ZNF365: variants seen among roughly 807,000 people sequenced by gnomAD.
ZNF365 encodes zinc finger protein 365, also known as protein ZNF365.
In ZNF365, 22 loss-of-function variants were observed where a neutral mutation model predicts 35.0. That is an observed-to-expected ratio of 0.63 (90% CI 0.45 to 0.90). The LOEUF (loss-of-function observed/expected upper bound fraction) is 0.90, where lower values mean the gene tolerates loss of function less well. ZNF365 is among the 40% of genes least tolerant of loss of function. The probability of loss-of-function intolerance (pLI) is 0.00; values close to 1 mark genes in which losing one functional copy is unlikely to be tolerated. For synonymous variants in ZNF365, 188 were observed against 196.2 expected, an observed-to-expected ratio of 0.96 and a Z score of 0.35; for missense variants, 448 against 500.3, an observed-to-expected ratio of 0.90 and a Z score of 1.00.
At chr10:62,438,131 A>T (rs1180837917) in intron 3 of ZNF365, among the ~76,000 whole-genome samples, 1 of 152,110 alleles carries the variant, frequency 6.6e-6, no homozygotes, top group Admixed American at 6.6e-5. Flanking sequence ...AGGACTGAAG[A>T]TACAATGGAG....
At chr10:62,421,776 T>C (rs565477600) in intron 3 of ZNF365, among the ~76,000 whole-genome samples, 1 of 152,348 alleles carries the variant, frequency 6.6e-6, no homozygotes, top group Admixed American at 6.5e-5. Context: ...ATTGATTTCT[T>C]TCAGGTCAGC....
At chr10:62,427,069 G>T (rs1031010705) in intron 3 of ZNF365, among the ~76,000 whole-genome samples, 6 of 152,220 alleles carry the variant, frequency 3.9e-5, no homozygotes, top group African/African-American at 1.4e-4. Flanking sequence ...GCTTAGTGAA[G>T]TTGTAGCTGT....
Position 62,395,504 on chromosome 10 carries a change from A to ATTTTTTTTTTTT in ZNF365, c.925-3224_925-3213dup, listed in dbSNP as rs67866839. On this transcript the variant is annotated intron_variant, in intron 3 of 4. Coordinates refer to ENST00000395254, the MANE Select transcript of ZNF365 (RefSeq NM_014951.3). ...AGGCACCCACCACCACACCCGGCTA[A>ATTTTTTTTTTTT]TTTTTTTTTTTTTTTTTTTTTTTGT... is the stretch of plus-strand genomic sequence containing the variant. Among the ~76,000 whole-genome samples, 65 of 98,436 alleles carry ATTTTTTTTTTTT rather than the reference A, an allele frequency of 6.6e-4. 1 individual carries two copies. Among genetic ancestry groups the ATTTTTTTTTTTT allele is most frequent in the Middle Eastern group, 0.011 (2 of 188 alleles). 64.6% of individuals were successfully genotyped at this position (98,436 alleles called of 152,430 possible). A position where few individuals can be genotyped will look rare whatever the true frequency, so the allele number is the denominator to read the frequency against.
Position 62,401,586 on chromosome 10 carries a change from A to G in ZNF365, c.*1797A>G, listed in dbSNP as rs935854151. 1.0e-6 allele frequency: 1 copy of G among 984,482 alleles called. No individual in the cohort carries two copies. The allele number at this position is 984,482 out of a possible 1,614,324, so 61.0% of individuals were successfully genotyped here. On this transcript the variant is annotated 3_prime_UTR_variant, in exon 5 of 5. Transcript: ENST00000395254. ...TTAGGCTAACATTGTAAAAATTGTA[A>G]TGTTATAATTATTATTTATTTGGAG...
chr10:62,448,190 G>C (rs187565037), intron 3 of ZNF365, among the ~76,000 whole-genome samples: 21 of 152,302 alleles, frequency 1.4e-4, no homozygotes, highest in Middle Eastern at 3.4e-3. Flanking sequence ...TTTGTTTACA[G>C]TGGGCTTTCT....
At chr10:62,440,296 T>C (rs891504257) in intron 3 of ZNF365, among the ~76,000 whole-genome samples, 1 of 118,524 alleles carries the variant, frequency 8.4e-6, no homozygotes, top group African/African-American at 3.2e-5. Flanking sequence ...TAGGTAAACT[T>C]GTGTTACTGG....
rs201626614 is a variant in ZNF365, at chr10:62,452,733, C to G, written c.925-7008C>G. ...AGATCAATACACCCCAGGGTCCTAA[C>G]TCTAGGAATAAGTTTTTATTCTCTT... On this transcript the variant is annotated intron_variant, in intron 3 of 4. Coordinates refer to the ZNF365 transcript ENST00000395255. Among the ~76,000 whole-genome samples the G allele has an allele frequency of 2.0e-5, 3 of 152,256 alleles. No homozygotes were observed. The East Asian group carries it at 5.8e-4, about 29-fold the overall frequency.
At chr10:62,463,387 C>T (rs1460949836) in intron 4 of ZNF365, among the ~76,000 whole-genome samples, 2 of 152,240 alleles carry the variant, frequency 1.3e-5, no homozygotes, top group Admixed American at 1.3e-4. Flanking sequence ...CCCCTCCCCA[C>T]TTACCTTAAG....
chr10:62,459,184 A>G (rs1840807564), intron 3 of ZNF365, among the ~76,000 whole-genome samples: 1 of 152,264 alleles, frequency 6.6e-6, no homozygotes, highest in South Asian at 2.1e-4. Context: ...TTCAAATTGA[A>G]AAGATGCACA....
chr10:62,398,017 T>C (rs908468655), intron 3 of ZNF365, among the ~76,000 whole-genome samples: 1 of 152,184 alleles, frequency 6.6e-6, no homozygotes, highest in Non-Finnish European at 1.5e-5. Context: ...TATACCAATA[T>C]GTTGTCTTTT....
intron 3 of ZNF365, among the ~76,000 whole-genome samples, chr10:62,442,162 C>T (rs1017551385): frequency 1.3e-5 from 2 of 152,152 alleles, no homozygotes; most frequent in African/African-American, 4.8e-5. Context: ...GTGTACTTTT[C>T]GTTTTACTGG....
At chr10:62,429,352 A>G (rs1840300849) in intron 3 of ZNF365, among the ~76,000 whole-genome samples, 1 of 152,230 alleles carries the variant, frequency 6.6e-6, no homozygotes, top group South Asian at 2.1e-4. Flanking sequence ...AGTGGTTTTC[A>G]TTATATTAAA....
chr10:62,406,954 T>A (rs958209369), downstream of ZNF365, among the ~76,000 whole-genome samples: 4 of 152,170 alleles, frequency 2.6e-5, no homozygotes, highest in African/African-American at 9.7e-5. Context: ...GCATCATTCC[T>A]GGAACCTGGG....
rs116297631 is a variant in ZNF365, at chr10:62,388,556, C to G, written c.904C>G (p.Arg302Gly). The G allele has an allele frequency of 9.3e-6, 15 of 1,613,830 alleles. No individual in the cohort carries two copies. The highest frequency in any genetic ancestry group is 1.3e-5 in the Non-Finnish European group (15 of 1,180,012). ...GAGCCAGCAGGCCTCTGGCTTTGTC[C>G]GTGATCTCAGCGGGCACGTGGTGAG... The part of the protein sequence containing the change: ...YQSQQASGFV[R>G]DLSGHVLTDI... The change falls in exon 3 of 5, where the codon CGT becomes GGT. Residue 302 changes from arginine to glycine, a missense_variant. Arg to Gly is a moderately radical substitution (Grantham distance 125). Around this residue, in one of 3 missense-constraint regions of ZNF365, gnomAD observed 362 missense variants for 375.7 expected, o/e 0.96. Transcript: ENST00000395254.
At chr10:62,449,918 G>T (rs1840651825) in intron 3 of ZNF365, among the ~76,000 whole-genome samples, 1 of 151,012 alleles carries the variant, frequency 6.6e-6, no homozygotes, top group Admixed American at 6.6e-5. Context: ...GGCAACTAAT[G>T]TAATTATTTG....
At chr10:62,409,823 T>C (rs935128029) in intron 3 of ZNF365, among the ~76,000 whole-genome samples, 3 of 152,154 alleles carry the variant, frequency 2.0e-5, no homozygotes, top group African/African-American at 2.4e-5. Flanking sequence ...TTTGGGGTCC[T>C]GTATAAGCCA....
At chr10:62,427,407 T>A (rs1179547090) in intron 3 of ZNF365, among the ~76,000 whole-genome samples, 2 of 152,164 alleles carry the variant, frequency 1.3e-5, no homozygotes, top group Non-Finnish European at 2.9e-5. Context: ...CTATACCACA[T>A]ACCCTAGGAA....
chr10:62,435,115 A>T lies in ZNF365; in HGVS notation c.925-24626A>T, dbSNP rs543107400. Among the ~76,000 whole-genome samples the T allele has an allele frequency of 3.9e-5, 6 of 152,314 alleles. No individual in the cohort carries two copies. The East Asian group carries it at 1.2e-3, about 29-fold the overall frequency. ...ACTAAATAGAGAAACCAACTTAAAGAATGACTGGCTAATGACAGACTAAGA... is the reference window on the plus strand; with the variant it reads ...ACTAAATAGAGAAACCAACTTAAAGTATGACTGGCTAATGACAGACTAAGA... On this transcript the variant is annotated intron_variant, in intron 3 of 4. Transcript: ENST00000395255.
chr10:62,439,368 T>C (rs1840457683), intron 3 of ZNF365, among the ~76,000 whole-genome samples: 2 of 144,172 alleles, frequency 1.4e-5, no homozygotes, highest in South Asian at 4.5e-4. Context: ...TAGAATTTTA[T>C]GATTATTTCA....
Sources: allele counts gnomAD v4.1 joint callset (sites outside exome capture counted in the v4.1 genomes callset), GRCh38; gene constraint gnomAD v4.1.1; regional missense constraint gnomAD v4.1.1; transcripts MANE v1.5; gene names NCBI Gene and HGNC (gene_info 2026-07-23, HGNC 2026-07-21).